Variants in ABL2 observed in about 807,000 individuals in gnomAD.
ABL2 encodes ABL proto-oncogene 2, non-receptor tyrosine kinase.
Under a neutral mutation model 107.7 loss-of-function variants are expected in ABL2, and 49 were observed. That is an observed-to-expected ratio of 0.45 (90% CI 0.36 to 0.58). The LOEUF (loss-of-function observed/expected upper bound fraction) is 0.58, where lower values mean the gene tolerates loss of function less well. ABL2 is among the 20% of genes least tolerant of loss of function. The pLI is 0.00. For synonymous variants in ABL2, 549 were observed against 548.6 expected (o/e 1.00, Z -0.01); for missense variants, 1,245 against 1,457.0 (o/e 0.85, Z 2.37).
chr1:179,102,155 G>C lies in ABL2; in HGVS notation c.*5563C>G. The C allele has an allele frequency of 6.0e-6, 1 of 167,022 alleles. No individual in the cohort carries two copies. The highest frequency in any genetic ancestry group is 2.5e-3 in the Middle Eastern group (1 of 406). The allele number at this position is 167,022 out of a possible 1,614,324, so 10.3% of individuals were successfully genotyped here. Reference sequence around the variant, plus strand: ...GCCTCCCCAGTAGCTGGGACTACAGGCGCCCGCCACCACGCCCAGCTAAGT... The same window carrying C: ...GCCTCCCCAGTAGCTGGGACTACAGCCGCCCGCCACCACGCCCAGCTAAGT... On this transcript the variant is annotated 3_prime_UTR_variant, in exon 12 of 12. Transcript: ENST00000502732.
rs563953714 is a variant in ABL2 at position 179,190,846 on chromosome 1, TA to T, written c.157+38394del. ...CAAATATACATTTCACAATATCACA[TA>T]ATGTTTCATTGTTATAAGAAATTCT... On this transcript the variant is annotated intron_variant, in intron 1 of 11. Coordinates refer to ENST00000502732, the MANE Select transcript of ABL2 (RefSeq NM_007314.4). Among the ~76,000 whole-genome samples the T allele has an allele frequency of 1.5e-3, 225 of 152,276 alleles. 1 individual carries two copies. Among genetic ancestry groups the T allele is most frequent in the Non-Finnish European group, 2.7e-3 (185 of 68,022 alleles).
At chr1:179,199,724 C>G (rs1365523581) in intron 1 of ABL2, among the ~76,000 whole-genome samples, 1 of 117,350 alleles carries the variant, frequency 8.5e-6, no homozygotes, top group Non-Finnish European at 1.7e-5. Flanking sequence ...AACCCATACA[C>G]TTTTTCCTTT....
rs775594643 is a variant in ABL2 at position 179,121,576 on chromosome 1, G to A, written c.960+19C>T. ...CAAAAGAAAAAGATGCCTGAAAACT[G>A]TAATTCTCAGCAACCCACCTTCAAT... On this transcript the variant is annotated intron_variant, in intron 5 of 11. Transcript: ENST00000502732. 1.2e-6 allele frequency: 2 copies of A among 1,605,168 alleles called. No individual in the cohort carries two copies. Among genetic ancestry groups the A allele is most frequent in the Non-Finnish European group, 1.7e-6 (2 of 1,173,768 alleles).
At chr1:179,150,051 G>C (rs775168278) in intron 1 of ABL2, among the ~76,000 whole-genome samples, 63 of 152,048 alleles carry the variant, frequency 4.1e-4, no homozygotes, top group Non-Finnish European at 7.2e-4. Context: ...GGGCAACATA[G>C]TGAGACCCCA....
Position 179,107,955 on chromosome 1 carries a change from C to T in ABL2, c.3312G>A (p.Val1104=). The change falls in exon 12 of 12, where the codon GTG becomes GTA. Residue 1104 remains valine, a synonymous_variant. Coordinates refer to ENST00000502732, the MANE Select transcript of ABL2 (RefSeq NM_007314.4). The part of the protein sequence containing the change: ...DLLSSALTEP[V]PNSQLVDTGH... ...CAGTGTCTACCAGCTGGCTGTTGGG[C>T]ACAGGTTCCGTGAGTGCACTGGACA... is the stretch of plus-strand genomic sequence containing the variant. 6.2e-7 allele frequency: 1 copy of T among 1,614,206 alleles called. No individual in the cohort carries two copies. The highest frequency in any genetic ancestry group is 8.5e-7 in the Non-Finnish European group (1 of 1,180,034).
At chr1:179,110,114 C>T (rs1557908525) in intron 11 of ABL2, among the ~76,000 whole-genome samples, 168 bp downstream of exon 11, 1 of 152,130 alleles carries the variant, frequency 6.6e-6, no homozygotes, top group Non-Finnish European at 1.5e-5. Context: ...AAACTGGAGC[C>T]AGAGTTGTAT....
chr1:179,182,387 T>C (rs916813110), intron 1 of ABL2, among the ~76,000 whole-genome samples: 13 of 152,238 alleles, frequency 8.5e-5, no homozygotes, highest in African/African-American at 2.7e-4. Context: ...TGTATTTCTC[T>C]AGTCCATTCA....
intron 3 of ABL2, among the ~76,000 whole-genome samples, chr1:179,127,586 TGAAA>T (rs1311341498): frequency 2.0e-5 from 3 of 152,092 alleles, no homozygotes; most frequent in African/African-American, 7.2e-5. Flanking sequence ...ACAGAAAAAG[TGAAA>T]GAGATATCAC....
chr1:179,107,890 C>A lies in ABL2; in HGVS notation c.3377G>T (p.Cys1126Phe). 6.2e-7 allele frequency: 1 copy of A among 1,614,244 alleles called. No homozygotes were observed. Residue 1126 changes from cysteine (C) to phenylalanine (F), a missense_variant, in exon 12 of 12, where the codon TGC becomes TTC. By Grantham distance (205) the Cys-to-Phe change is radical. Around this residue, in one of 3 missense-constraint regions of ABL2, gnomAD observed 761 missense variants for 766.4 expected, o/e 0.99. Coordinates refer to ENST00000502732, the MANE Select transcript of ABL2 (RefSeq NM_007314.4). ...AAATTTGTTGCGAGTTTGAGGGATG[C>A]AGTCCACATAGCCTGAGCAGTAGTC... is the stretch of plus-strand genomic sequence containing the variant. Reference protein sequence around the residue: ...LLDYCSGYVDCIPQTRNKFAF... With the variant: ...LLDYCSGYVDFIPQTRNKFAF...
chr1:179,127,172 T>C (rs1217256006), intron 3 of ABL2, among the ~76,000 whole-genome samples: 2 of 151,704 alleles, frequency 1.3e-5, no homozygotes, highest in African/African-American at 2.4e-5. Context: ...AAACCACTGA[T>C]GTAAAAAAAC....
intron 3 of ABL2, among the ~76,000 whole-genome samples, chr1:179,128,213 C>T (rs939927058): frequency 2.0e-5 from 3 of 151,784 alleles, no homozygotes; most frequent in African/African-American, 7.3e-5. Flanking sequence ...TGAGAAAAAA[C>T]ACAAGAGTAT....
At chr1:179,170,836 C>T (rs1659677694) in intron 1 of ABL2, among the ~76,000 whole-genome samples, 1 of 152,026 alleles carries the variant, frequency 6.6e-6, no homozygotes, top group Admixed American at 6.6e-5. Flanking sequence ...CTCAGGTGAT[C>T]TGCCCGCCTC....
chr1:179,165,319 A>AG (rs1272167208), intron 1 of ABL2, among the ~76,000 whole-genome samples: 1 of 152,218 alleles, frequency 6.6e-6, no homozygotes, highest in African/African-American at 2.4e-5. Flanking sequence ...TAAAGGCACT[A>AG]GCAAGTCATT....
At chr1:179,165,519 T>C (rs1302831308) in intron 1 of ABL2, among the ~76,000 whole-genome samples, 2 of 152,052 alleles carry the variant, frequency 1.3e-5, no homozygotes, top group Non-Finnish European at 2.9e-5. Context: ...CTAAGAATAT[T>C]AAAGTAGAGG....
chr1:179,194,069 T>C (rs189386091), intron 1 of ABL2, among the ~76,000 whole-genome samples: 3 of 152,330 alleles, frequency 2.0e-5, no homozygotes, highest in East Asian at 1.9e-4. Flanking sequence ...AATCAAACTC[T>C]GTCATAATAA....
chr1:179,159,194 T>C (rs1256811103), intron 1 of ABL2, among the ~76,000 whole-genome samples: 1 of 152,240 alleles, frequency 6.6e-6, no homozygotes, highest in Non-Finnish European at 1.5e-5. Flanking sequence ...TTCAACTTAA[T>C]GTGAATAAAA....
At chr1:179,151,184 T>C (rs542985971) in intron 1 of ABL2, among the ~76,000 whole-genome samples, 39 of 152,284 alleles carry the variant, frequency 2.6e-4, no homozygotes, top group African/African-American at 9.4e-4. Context: ...ATCTCCAAGG[T>C]ATGACTATAG....
Position 179,126,651 on chromosome 1 carries a change from C to A in ABL2, c.413G>T (p.Gly138Val). 1 of 1,612,906 alleles carries A rather than the reference C, an allele frequency of 6.2e-7. No individual in the cohort carries two copies. Among genetic ancestry groups the A allele is most frequent in the Non-Finnish European group, 8.5e-7 (1 of 1,179,036 alleles). ...ACTCCACTCACCATTCTGGTTGTAA[C>A]CAAGGACTCGTAGCTTTTCACCTAG... ...ITKGEKLRVL[G>V]YNQNGEWSEV... is the part of the protein sequence containing the mutation. Residue 138 changes from glycine (G) to valine (V), a missense_variant, in exon 4 of 12, where the codon GGT becomes GTT. By Grantham distance (109) the Gly-to-Val change is moderately radical. This residue lies in a region of ABL2 where 320 missense variants were observed against 547.0 expected (regional missense o/e 0.59). Transcript: ENST00000502732. The surrounding 1 kb of genome is among the most constrained non-coding windows in gnomAD (Gnocchi z 4.4).
chr1:179,129,083 A>C (rs978916541), intron 3 of ABL2, among the ~76,000 whole-genome samples: 2 of 152,236 alleles, frequency 1.3e-5, no homozygotes, highest in Non-Finnish European at 1.5e-5. Flanking sequence ...TGTCTTTTAA[A>C]ATAATAAAAT....
Sources: gnomAD v4.1 joint callset for allele counts (sites outside exome capture counted in the v4.1 genomes callset) on GRCh38, gnomAD v4.1.1 for gene constraint, gnomAD v4.1.1 regional missense constraint, Gnocchi (gnomAD v3.1) non-coding constraint, MANE v1.5 for transcripts, NCBI Gene and HGNC (gene_info 2026-07-23, HGNC 2026-07-21) for gene names.